BCL11A: variants seen among roughly 807,000 people sequenced by gnomAD.
BCL11A encodes BCL11 transcription factor A.
BCL11A carries 2 observed loss-of-function variants against 55.9 expected under a neutral mutation model. That is an observed-to-expected ratio of 0.04 (90% CI 0.01 to 0.11). BCL11A has a LOEUF of 0.11. BCL11A is among the 10% of genes least tolerant of loss of function. BCL11A has a pLI of 1.00. For missense variants in BCL11A, 817 were observed against 1,137.1 expected (o/e 0.72, Z 4.05); for synonymous variants, 465 against 473.4 (o/e 0.98, Z 0.23).
At position 60,470,452 on chromosome 2, in the gene BCL11A, G is replaced by A. The variant is rs141100012; in HGVS notation, c.386-1619C>T. On this transcript the variant is annotated intron_variant, in intron 2 of 3. Coordinates refer to ENST00000642384, the MANE Select transcript of BCL11A (RefSeq NM_022893.4). ...GCCTCAGCCGTTCACTAAGTTTGCT[G>A]CCAAAACAGACATCCTTTTCTTAGG... 1.4e-4 allele frequency among the ~76,000 whole-genome samples: 22 copies of A among 152,300 alleles called. No individual in the cohort carries two copies. In the East Asian group the frequency reaches 4.2e-3, roughly 29 times the overall value.
At chr2:60,535,072 A>G (rs1422579827) in intron 2 of BCL11A, 1 of 152,242 alleles carries the variant, frequency 6.6e-6, no homozygotes, top group Non-Finnish European at 1.5e-5. Context: ...GCCAATCAAA[A>G]ATGCAAAACA....
chr2:60,532,019 G>A (rs1388646835), intron 2 of BCL11A, among the ~76,000 whole-genome samples: 1 of 152,128 alleles, frequency 6.6e-6, no homozygotes, highest in Admixed American at 6.6e-5. Flanking sequence ...CCGGGCCCCT[G>A]CTAACCTGTC....
intron 2 of BCL11A, among the ~76,000 whole-genome samples, chr2:60,531,444 C>A (rs544805184): frequency 1.3e-5 from 2 of 152,162 alleles, no homozygotes; most frequent in Non-Finnish European, 2.9e-5. Context: ...ACAACCAGTA[C>A]GGAATGCATT....
intron 2 of BCL11A, chr2:60,478,089 G>C (rs1378180377): frequency 1.3e-5 from 2 of 152,064 alleles, no homozygotes; most frequent in Non-Finnish European, 2.9e-5. Flanking sequence ...CAGCTCTCAA[G>C]TAGCTAGGAC....
At chr2:60,537,511 G>GT (rs932027378) in intron 2 of BCL11A, 4 of 152,228 alleles carry the variant, frequency 2.6e-5, no homozygotes, top group African/African-American at 9.7e-5. Context: ...GGTTCTCTTA[G>GT]TTTTTTGAGG....
chr2:60,471,094 G>A (rs564789407), intron 2 of BCL11A, among the ~76,000 whole-genome samples: 5 of 152,218 alleles, frequency 3.3e-5, no homozygotes, highest in Middle Eastern at 3.4e-3. Context: ...AACCGTCTTG[G>A]GGGAGGGTCC....
chr2:60,515,478 C>T (rs949358310), intron 2 of BCL11A, among the ~76,000 whole-genome samples: 1 of 152,182 alleles, frequency 6.6e-6, no homozygotes, highest in Non-Finnish European at 1.5e-5. Flanking sequence ...AGAAAATACA[C>T]CCACGAGCCA....
intron 2 of BCL11A, among the ~76,000 whole-genome samples, chr2:60,470,244 C>G (rs937583976): frequency 1.3e-5 from 2 of 152,054 alleles, no homozygotes; most frequent in Non-Finnish European, 2.9e-5. Context: ...CTCTCTGACC[C>G]AAAACAAAAT....
rs750650096 is a variant in BCL11A at position 60,517,059 on chromosome 2, C to T, written c.385+28912G>A. ...CAAAGCTGGTGATGAGATACTTTGTCGTCTCTGGAATGAAGAGGAAATGGG... is the reference window on the plus strand; with the variant it reads ...CAAAGCTGGTGATGAGATACTTTGTTGTCTCTGGAATGAAGAGGAAATGGG... On this transcript the variant is annotated intron_variant, in intron 2 of 3. Coordinates refer to ENST00000642384, the MANE Select transcript of BCL11A (RefSeq NM_022893.4). Among the ~76,000 whole-genome samples, 5 of 152,144 alleles carry T rather than the reference C, an allele frequency of 3.3e-5. No individual in the cohort carries two copies. The South Asian group carries it at 6.2e-4, about 19-fold the overall frequency.
chr2:60,474,857 G>C (rs1240938677), intron 2 of BCL11A, among the ~76,000 whole-genome samples: 1 of 152,200 alleles, frequency 6.6e-6, no homozygotes, highest in Non-Finnish European at 1.5e-5. Flanking sequence ...CCCACAGCAG[G>C]CTTCATTTAG....
At chr2:60,479,661 G>A (rs1677839863) in intron 2 of BCL11A, among the ~76,000 whole-genome samples, 1 of 152,164 alleles carries the variant, frequency 6.6e-6, no homozygotes, top group Non-Finnish European at 1.5e-5. Flanking sequence ...AGGCCGACCA[G>A]GCAAGAACCG....
chr2:60,483,351 A>G (rs1367533355), intron 2 of BCL11A, among the ~76,000 whole-genome samples: 4 of 152,242 alleles, frequency 2.6e-5, no homozygotes, highest in Non-Finnish European at 5.9e-5. Flanking sequence ...GTTTAAATCG[A>G]TGCCTCAAAT....
intron 2 of BCL11A, among the ~76,000 whole-genome samples, chr2:60,504,137 A>G (rs1452439043): frequency 6.6e-6 from 1 of 152,082 alleles, no homozygotes; most frequent in Non-Finnish European, 1.5e-5. Flanking sequence ...TTTGACTCAC[A>G]CTTGCCTGGC....
chr2:60,454,529 AG>A (rs2103758995), downstream of BCL11A, among the ~76,000 whole-genome samples: 1 of 152,276 alleles, frequency 6.6e-6, no homozygotes, highest in South Asian at 2.1e-4. Context: ...ATGGAGTAAC[AG>A]AATCGTAATG....
chr2:60,465,587 A>G (rs551159364), intron 3 of BCL11A, among the ~76,000 whole-genome samples: 2 of 152,352 alleles, frequency 1.3e-5, no homozygotes, highest in African/African-American at 4.8e-5. Context: ...CTAAGCCTCA[A>G]GATTCAGAAG....
At chr2:60,548,809 A>C (rs1670265106) in intron 1 of BCL11A, among the ~76,000 whole-genome samples, 1 of 152,228 alleles carries the variant, frequency 6.6e-6, no homozygotes, top group South Asian at 2.1e-4. Context: ...ACAAAGTGGG[A>C]CACAAAGAAA....
At chr2:60,553,130 C>G in intron 1 of BCL11A, 86 bp downstream of exon 1, 5 of 1,374,486 alleles carry the variant, frequency 3.6e-6, no homozygotes, top group South Asian at 1.3e-5. Context: ...CATGCACACA[C>G]CCCTCTCTCC....
At position 60,460,967 on chromosome 2, in the gene BCL11A, T is replaced by C; in HGVS notation, c.1945A>G (p.Met649Val). Residue 649 changes from methionine to valine, a missense_variant, in exon 4 of 4, where the codon ATG (methionine) becomes GTG (valine). Met to Val is a conservative substitution (Grantham distance 21). Transcript: ENST00000642384. ...EKEFDLPPAA[M>V]PNTENVYSQW... ...GAGTACACGTTCTCCGTGTTGGGCA[T>C]CGCGGCCGGGGGCAGGTCGAACTCC... 1 of 1,611,192 alleles carries C rather than the reference T, an allele frequency of 6.2e-7. No homozygotes were observed. The highest frequency in any genetic ancestry group is 8.5e-7 in the Non-Finnish European group (1 of 1,178,588).
intron 2 of BCL11A, among the ~76,000 whole-genome samples, chr2:60,491,151 G>A (rs1558639412): frequency 6.6e-6 from 1 of 152,178 alleles, no homozygotes; most frequent in Non-Finnish European, 1.5e-5. Flanking sequence ...ACGTGGTTGT[G>A]CAACTCTATA....
Sources: allele counts gnomAD v4.1 joint callset (sites outside exome capture counted in the v4.1 genomes callset), GRCh38; gene constraint gnomAD v4.1.1; transcripts MANE v1.5; gene names NCBI Gene and HGNC (gene_info 2026-07-23, HGNC 2026-07-21).